MAP3K5: variants seen among roughly 807,000 people sequenced by gnomAD.
MAP3K5 encodes the protein ASK-1.
MAP3K5 carries 56 observed loss-of-function variants against 158.7 expected under a neutral mutation model. The observed-to-expected ratio is 0.35, with a 90% confidence interval of 0.28 to 0.44. The LOEUF is 0.44. MAP3K5 is among the 20% of genes least tolerant of loss of function. The pLI, the probability that MAP3K5 is intolerant of heterozygous loss-of-function variation, is 1.00. For synonymous variants in MAP3K5, 579 were observed against 601.7 expected, an observed-to-expected ratio of 0.96 and a Z score of 0.55; for missense variants, 1,294 against 1,674.8, an observed-to-expected ratio of 0.77 and a Z score of 3.97.
intron 2 of MAP3K5, among the ~76,000 whole-genome samples, chr6:136,718,739 T>C (rs74574801): frequency 0.021 from 3,166 of 152,300 alleles, 110 homozygotes; most frequent in African/African-American, 0.072. Flanking sequence ...TTCTCTCAAA[T>C]GTAAGTTTGC....
At chr6:136,561,287 A>G (rs921869879) in intron 28 of MAP3K5, among the ~76,000 whole-genome samples, 2 of 151,608 alleles carry the variant, frequency 1.3e-5, no homozygotes, top group African/African-American at 2.4e-5. Context: ...ACCTTCCCCA[A>G]CCTCTCTCGC....
intron 8 of MAP3K5, 46 bp downstream of exon 8, chr6:136,669,237 G>A (rs1395298137): frequency 8.4e-7 from 1 of 1,194,184 alleles, no homozygotes; most frequent in Non-Finnish European, 1.2e-6. Context: ...GCACCAAGTT[G>A]GGTCCAGTTT....
chr6:136,590,533 C>G (rs1164412696), intron 23 of MAP3K5, among the ~76,000 whole-genome samples: 1 of 151,088 alleles, frequency 6.6e-6, no homozygotes, highest in East Asian at 1.9e-4. Flanking sequence ...TGCACATTTT[C>G]TTTTCTTTTT....
intron 21 of MAP3K5, among the ~76,000 whole-genome samples, chr6:136,598,673 G>A (rs571713061): frequency 1.4e-4 from 21 of 152,336 alleles, no homozygotes; most frequent in Admixed American, 2.6e-4. Context: ...CCTCTTGAGG[G>A]GAAGCCAAGT....
At chr6:136,754,713 G>A (rs1783394155) in intron 1 of MAP3K5, among the ~76,000 whole-genome samples, 1 of 152,208 alleles carries the variant, frequency 6.6e-6, no homozygotes. Context: ...AAGATGTCCA[G>A]AAGAATGCTT....
intron 8 of MAP3K5, among the ~76,000 whole-genome samples, chr6:136,660,686 G>A (rs1778969417): frequency 1.3e-5 from 2 of 152,124 alleles, no homozygotes; most frequent in Non-Finnish European, 2.9e-5. Context: ...ACATTAAATT[G>A]TTGGGAAAAT....
intron 4 of MAP3K5, 103 bp downstream of exon 4, chr6:136,698,386 G>A: frequency 1.1e-6 from 1 of 888,682 alleles, no homozygotes; most frequent in Non-Finnish European, 1.7e-6. Context: ...CTAGTTCTTA[G>A]CTGTATACTG....
At chr6:136,630,045 C>T (rs1289330616) in intron 14 of MAP3K5, among the ~76,000 whole-genome samples, 3 of 152,126 alleles carry the variant, frequency 2.0e-5, no homozygotes, top group Non-Finnish European at 4.4e-5. Context: ...GCCACCACAC[C>T]CGGCCTAAAT....
At chr6:136,678,233 T>TA (rs1779787724) in intron 7 of MAP3K5, among the ~76,000 whole-genome samples, 1 of 152,214 alleles carries the variant, frequency 6.6e-6, no homozygotes, top group African/African-American at 2.4e-5. Context: ...ATAAAGCTTG[T>TA]ATTGCTTTTA....
At chr6:136,716,444 T>G in intron 2 of MAP3K5, among the ~76,000 whole-genome samples, 1 of 152,060 alleles carries the variant, frequency 6.6e-6, no homozygotes, top group East Asian at 1.9e-4. Flanking sequence ...GCCCAGAACA[T>G]AGAGGAGCTG....
chr6:136,624,475 A>G (rs1315334690), intron 14 of MAP3K5, among the ~76,000 whole-genome samples: 1 of 152,228 alleles, frequency 6.6e-6, no homozygotes, highest in Non-Finnish European at 1.5e-5. Context: ...ACATCTACAG[A>G]GAGAGCTCTG....
Position 136,657,129 on chromosome 6 carries a change from GGAAGCT to G in MAP3K5, c.1527-675_1527-670del, listed in dbSNP as rs1778788018. Among the ~76,000 whole-genome samples the G allele has an allele frequency of 2.0e-5, 3 of 152,226 alleles. No homozygotes were observed. The South Asian group carries it at 6.2e-4, about 32-fold the overall frequency. On this transcript the variant is annotated intron_variant, in intron 9 of 29. Coordinates refer to ENST00000359015, the MANE Select transcript of MAP3K5 (RefSeq NM_005923.4). ...TTTGTTTTTAATTATGCTTCTTTGA[GGAAGCT>G]TTCCTAAATAGACACTTCATAAGAG...
intron 25 of MAP3K5, among the ~76,000 whole-genome samples, chr6:136,571,906 C>T (rs1327580520): frequency 6.6e-6 from 1 of 152,162 alleles, no homozygotes; most frequent in African/African-American, 2.4e-5. Flanking sequence ...TCTCCATGTC[C>T]TCATGCTTTA....
At chr6:136,611,465 TA>T (rs892391153) in intron 17 of MAP3K5, 78 bp from the exon 18 acceptor site, 69,748 of 521,162 alleles carry the variant, frequency 0.13, no homozygotes, top group East Asian at 0.18. Context: ...AAGTCCAATT[TA>T]AAAAAAAAAA....
At chr6:136,784,787 C>T (rs1324992031) in intron 1 of MAP3K5, among the ~76,000 whole-genome samples, 1 of 152,144 alleles carries the variant, frequency 6.6e-6, no homozygotes, top group Non-Finnish European at 1.5e-5. Context: ...ATGTGAAGAT[C>T]TGCCCTTCAT....
At chr6:136,585,704 C>T (rs1356357168) in intron 23 of MAP3K5, among the ~76,000 whole-genome samples, 2 of 151,752 alleles carry the variant, frequency 1.3e-5, no homozygotes, top group Non-Finnish European at 2.9e-5. Context: ...GCCATGTTGG[C>T]CAGGCTGGTC....
At chr6:136,665,065 T>C (rs1402597840) in intron 8 of MAP3K5, among the ~76,000 whole-genome samples, 1 of 152,246 alleles carries the variant, frequency 6.6e-6, no homozygotes, top group African/African-American at 2.4e-5. Flanking sequence ...CAGCTGGGTC[T>C]TCCCATTCTA....
rs931514888 is a variant in MAP3K5 at position 136,659,356 on chromosome 6, A to G, written c.1389T>C (p.Leu463=). ...GTTTTTCCAAGTTTCCCTTTTTACC[A>G]AGAAGACTACTTAGCTTCACCCCTA... ...RKVGVKLSSL[L]GKKGNLEKLQ... is the part of the protein sequence containing the mutation. The change falls in exon 9 of 30, where the codon CTT becomes CTC. Residue 463 remains leucine (L), a synonymous_variant. Coordinates refer to ENST00000359015, the MANE Select transcript of MAP3K5 (RefSeq NM_005923.4). 3 of 1,614,084 alleles carry G rather than the reference A, an allele frequency of 1.9e-6. No individual in the cohort carries two copies. The highest frequency in any genetic ancestry group is 1.3e-5 in the African/African-American group (1 of 75,054).
At chr6:136,776,025 A>C (rs1784390388) in intron 1 of MAP3K5, among the ~76,000 whole-genome samples, 2 of 152,234 alleles carry the variant, frequency 1.3e-5, no homozygotes, top group Non-Finnish European at 1.5e-5. Context: ...TAAAACCTAC[A>C]CTAAGTGGAG....
Sources: allele counts gnomAD v4.1 joint callset (sites outside exome capture counted in the v4.1 genomes callset), GRCh38; gene constraint gnomAD v4.1.1; transcripts MANE v1.5; gene names NCBI Gene and HGNC (gene_info 2026-07-23, HGNC 2026-07-21).